Variants in DNAH17 observed in about 807,000 individuals in gnomAD.
The protein encoded by DNAH17 is axonemal beta dynein heavy chain 17.
Under a neutral mutation model 485.6 loss-of-function variants are expected in DNAH17, and 376 were observed. The observed-to-expected ratio is 0.77, with a 90% CI of 0.71 to 0.84. The LOEUF is 0.84. Ranked by LOEUF, DNAH17 falls within the 40% of genes least tolerant of loss-of-function variation. DNAH17 has a pLI of 0.00. For missense variants in DNAH17, 6,370 were observed against 5,839.3 expected (o/e 1.09, Z -2.96); for synonymous variants, 3,031 against 2,405.9 (o/e 1.26, Z -7.60).
chr17:78,479,346 G>A (rs2146615829), intron 50 of DNAH17, 139 bp downstream of exon 50: 2 of 1,222,322 alleles, frequency 1.6e-6, no homozygotes, highest in Non-Finnish European at 2.2e-6. Context: ...AATTTCTCCT[G>A]TCGAAACATA....
chr17:78,460,365 CG>C lies in DNAH17; in HGVS notation c.9340-109del, dbSNP rs1015911757. On this transcript the variant is annotated intron_variant, in intron 58 of 80. Transcript: ENST00000389840. The stretch of plus-strand genomic sequence containing the variant: ...GTGTGCATGTGTGTGCATGTATGCA[CG>C]TGCATGAGTGTATGTGTGCATATAT... 9.9e-6 allele frequency: 9 copies of C among 910,602 alleles called. No individual in the cohort carries two copies. In the African/African-American group the frequency reaches 1.2e-4, roughly 12 times the overall value. 56.4% of individuals were successfully genotyped at this position (910,602 alleles called of 1,614,324 possible).
chr17:78,439,025 G>A (rs911580428), intron 73 of DNAH17, 65 bp downstream of exon 73: 15 of 1,571,604 alleles, frequency 9.5e-6, no homozygotes, highest in Non-Finnish European at 1.2e-5. Flanking sequence ...CGGGCCTTCT[G>A]GCCCATCCCC....
In DNAH17 at chr17:78,453,428, C is replaced by T. The variant is rs34868091; in HGVS notation, c.10444G>A (p.Asp3482Asn). 3,618 of 1,613,988 alleles carry T rather than the reference C, an allele frequency of 2.2e-3. 100 individuals carry two copies. In the African/African-American group the frequency reaches 0.043, roughly 19 times the overall value. Reference protein sequence around the residue: ...DVIEQAISEGDTLLIENIGET... With the variant: ...DVIEQAISEGNTLLIENIGET... Reference sequence around the variant, plus strand: ...CCGATGTTCTCAATGAGCAAGGTGTCCCCTTCCGAGATGGCCTGCTCGATG... The same window carrying T: ...CCGATGTTCTCAATGAGCAAGGTGTTCCCTTCCGAGATGGCCTGCTCGATG... Residue 3482 changes from aspartate (D) to asparagine (N), a missense_variant, in exon 65 of 81, where the codon GAC (aspartate) becomes AAC (asparagine). Transcript: ENST00000389840.
rs1342673454 is a variant in DNAH17 at position 78,487,755 on chromosome 17, C to T, written c.6819-1249G>A. On this transcript the variant is annotated intron_variant, in intron 44 of 80. Transcript: ENST00000389840. ...GGCCAGGCTGGTCTTGAACTCCTGA[C>T]CTTAGATGATCTGCCCGCCTCAGCT... 2.6e-5 allele frequency among the ~76,000 whole-genome samples: 4 copies of T among 152,056 alleles called. No individual in the cohort carries two copies. In the East Asian group the frequency reaches 5.8e-4, roughly 22 times the overall value.
At chr17:78,543,480 C>T (rs567157260) in intron 17 of DNAH17, among the ~76,000 whole-genome samples, 10 of 151,374 alleles carry the variant, frequency 6.6e-5, no homozygotes, top group South Asian at 4.2e-4. Context: ...TTAGTAGAGA[C>T]GGGGTTTCAC....
chr17:78,506,217 G>A (rs979569470), intron 30 of DNAH17, among the ~76,000 whole-genome samples: 2 of 144,230 alleles, frequency 1.4e-5, no homozygotes, highest in Non-Finnish European at 3.0e-5. Flanking sequence ...CTTGGCTCAC[G>A]GCAACCCTCT....
chr17:78,543,147 C>T lies in DNAH17; in HGVS notation c.2532+710G>A, dbSNP rs184027743. ...TTTGTTTTGTTTTGAGATAGTCTCACTCTTTCACCCAGGCTGGGGTGCAGT... is the reference window on the plus strand; with the variant it reads ...TTTGTTTTGTTTTGAGATAGTCTCATTCTTTCACCCAGGCTGGGGTGCAGT... On this transcript the variant is annotated intron_variant, in intron 17 of 80. Coordinates refer to ENST00000389840, the MANE Select transcript of DNAH17 (RefSeq NM_173628.4). Among the ~76,000 whole-genome samples, 36 of 152,270 alleles carry T rather than the reference C, an allele frequency of 2.4e-4. 1 individual carries two copies. The highest frequency in any genetic ancestry group is 1.3e-3 in the Admixed American group (20 of 15,300).
chr17:78,439,036 A>C (rs758521184), intron 73 of DNAH17, 54 bp downstream of exon 73: 21 of 1,584,902 alleles, frequency 1.3e-5, no homozygotes, highest in Non-Finnish European at 1.8e-5. Flanking sequence ...GCCCATCCCC[A>C]TTGGCCACCT....
Position 78,526,715 on chromosome 17 carries a change from T to C in DNAH17, c.3647A>G (p.Glu1216Gly). The change falls in exon 24 of 81, where the codon GAG (glutamate) becomes GGG (glycine). Residue 1216 changes from glutamate to glycine, a missense_variant. Glu to Gly is a moderately conservative substitution (Grantham distance 98). Transcript: ENST00000389840. ...QFELKQHEFR[E>G]RFRREAPFSF... is the part of the protein sequence containing the mutation. ...GAACGGGGCCTCGCGCCTGAACCTC[T>C]CCCTGAACTCATGTTGCTTGAGCTG... The C allele has an allele frequency of 6.2e-7, 1 of 1,609,592 alleles. No homozygotes were observed. Among genetic ancestry groups the C allele is most frequent in the Non-Finnish European group, 8.5e-7 (1 of 1,176,672 alleles).
rs116446606 is a variant in DNAH17 at position 78,423,887 on chromosome 17, G to C, written c.*19C>G. On this transcript the variant is annotated 3_prime_UTR_variant, in exon 81 of 81. Coordinates refer to ENST00000389840, the MANE Select transcript of DNAH17 (RefSeq NM_173628.4). The stretch of plus-strand genomic sequence containing the variant: ...TGTGGTCCAGCCCCAGGGAGTGTGG[G>C]CTGTGAGGCAGGAGCGAGCTAAACC... The C allele has an allele frequency of 6.0e-4, 967 of 1,613,258 alleles. 6 individuals are homozygous for C. In the African/African-American group the frequency reaches 0.011, roughly 19 times the overall value.
chr17:78,495,668 C>A (rs1186637361), intron 38 of DNAH17, among the ~76,000 whole-genome samples: 1 of 152,148 alleles, frequency 6.6e-6, no homozygotes, highest in East Asian at 1.9e-4. Flanking sequence ...GAACTCCTGA[C>A]CTCAGGTGAT....
At position 78,454,674 on chromosome 17, in the gene DNAH17, G is replaced by T; in HGVS notation, c.10202C>A (p.Pro3401His). 1 of 1,612,876 alleles carries T rather than the reference G, an allele frequency of 6.2e-7. No homozygotes were observed. Among genetic ancestry groups the T allele is most frequent in the Non-Finnish European group, 8.5e-7 (1 of 1,179,868 alleles). Residue 3401 changes from proline (P) to histidine (H), a missense_variant, in exon 64 of 81, where the codon CCC becomes CAC. Transcript: ENST00000389840. Reference sequence around the variant, plus strand: ...CGCGTCATCTGTCAGCAGGCTCAAGGGATCCAGGCCATTCGTGATCGGGAT... The same window carrying T: ...CGCGTCATCTGTCAGCAGGCTCAAGTGATCCAGGCCATTCGTGATCGGGAT... ...VPIPITNGLDPLSLLTDDADV... is the reference protein window; with the variant it reads ...VPIPITNGLDHLSLLTDDADV...
Position 78,484,923 on chromosome 17 carries a change from A to T in DNAH17, c.7594T>A (p.Tyr2532Asn), listed in dbSNP as rs1357587149. 1 of 1,604,956 alleles carries T rather than the reference A, an allele frequency of 6.2e-7. No individual in the cohort carries two copies. The highest frequency in any genetic ancestry group is 8.5e-7 in the Non-Finnish European group (1 of 1,175,496). ...AGGGTGTGCGGGGCCACCGTCCCAT[A>T]CTTGTCCACCTCGGGCATGTTCATG... is the stretch of plus-strand genomic sequence containing the variant. ...DDMNMPEVDK[Y>N]GTVAPHTLIR... Residue 2532 changes from tyrosine to asparagine, a missense_variant, in exon 48 of 81, where the codon TAT becomes AAT. Physicochemically the swap from Tyr to Asn is moderately radical, Grantham distance 143 (BLOSUM62 -2). Transcript: ENST00000389840.
chr17:78,551,431 C>T lies in DNAH17; in HGVS notation c.2391+104G>A, dbSNP rs940235897. ...ACTGCACGGCAGCTCCCACTGCACC[C>T]CACACATCGCAGCACTTTCCATGGG... On this transcript the variant is annotated intron_variant, in intron 16 of 80. Transcript: ENST00000389840. The T allele has an allele frequency of 3.9e-6, 4 of 1,028,096 alleles. No homozygotes were observed. The South Asian group carries it at 4.3e-5, about 11-fold the overall frequency. The allele number at this position is 1,028,096 out of a possible 1,614,324, so 63.7% of individuals were successfully genotyped here.
chr17:78,502,827 A>G (rs7218324), intron 32 of DNAH17, 59 bp downstream of exon 32: 42,215 of 1,595,122 alleles, frequency 0.026, 682 homozygotes, highest in Non-Finnish European at 0.031. Context: ...CATGAACGCA[A>G]AGAAACTCGC....
At chr17:78,450,139 CCT>C in intron 68 of DNAH17, 113 bp downstream of exon 68, 1 of 1,291,368 alleles carries the variant, frequency 7.7e-7, no homozygotes, top group Non-Finnish European at 1.1e-6. Context: ...CCAGGTCTGC[CCT>C]CTGAGGGTGG....
chr17:78,453,902 C>G (rs1188111003), intron 64 of DNAH17, among the ~76,000 whole-genome samples: 1 of 151,972 alleles, frequency 6.6e-6, no homozygotes, highest in Non-Finnish European at 1.5e-5. Flanking sequence ...GAGACAAGGT[C>G]TCACTATGTT....
chr17:78,544,320 G>T (rs2091690866), intron 16 of DNAH17, among the ~76,000 whole-genome samples: 1 of 152,218 alleles, frequency 6.6e-6, no homozygotes, highest in Admixed American at 6.5e-5. Context: ...TCTTTAGGGG[G>T]ACGGAAGGAC....
intron 25 of DNAH17, among the ~76,000 whole-genome samples, chr17:78,518,732 A>G (rs2090854672): frequency 6.6e-6 from 1 of 152,246 alleles, no homozygotes; most frequent in Non-Finnish European, 1.5e-5. Context: ...ATTCCCCCAG[A>G]CAGACTATAT....
Sources: gnomAD v4.1 joint callset for allele counts (sites outside exome capture counted in the v4.1 genomes callset) on GRCh38, gnomAD v4.1.1 for gene constraint, MANE v1.5 for transcripts, NCBI Gene and HGNC (gene_info 2026-07-23, HGNC 2026-07-21) for gene names.